EFNA5: variants seen among roughly 807,000 people sequenced by gnomAD.
EFNA5 encodes ephrin A5, also known as ephrin-A5.
EFNA5 carries 5 observed loss-of-function variants against 22.9 expected under a neutral mutation model. The observed-to-expected ratio is 0.22, with a 90% confidence interval of 0.11 to 0.46. The LOEUF is 0.46. EFNA5 is among the 20% of genes least tolerant of loss of function. EFNA5 has a pLI of 0.99. For synonymous variants in EFNA5, 113 were observed against 112.2 expected, an observed-to-expected ratio of 1.01 and a Z score of -0.04; for missense variants, 237 against 293.3, an observed-to-expected ratio of 0.81 and a Z score of 1.40.
chr5:107,511,604 A>C (rs1747371896), intron 1 of EFNA5, among the ~76,000 whole-genome samples: 1 of 152,200 alleles, frequency 6.6e-6, no homozygotes, highest in Non-Finnish European at 1.5e-5. Context: ...CCATTTATAA[A>C]GTGTTACATT....
chr5:107,563,668 C>T (rs1169582703), intron 1 of EFNA5, among the ~76,000 whole-genome samples: 4 of 152,066 alleles, frequency 2.6e-5, no homozygotes, highest in South Asian at 2.1e-4. Context: ...CTCCAGCTCC[C>T]GGCCACAAGT....
chr5:107,502,572 C>G (rs1002109584), intron 1 of EFNA5, among the ~76,000 whole-genome samples: 1 of 152,172 alleles, frequency 6.6e-6, no homozygotes, highest in Non-Finnish European at 1.5e-5. Flanking sequence ...CAGCACATAA[C>G]TGCTGAAAAG....
intron 1 of EFNA5, among the ~76,000 whole-genome samples, chr5:107,633,603 G>A (rs925395365): frequency 2.0e-4 from 30 of 152,200 alleles, no homozygotes; most frequent in African/African-American, 6.3e-4. Context: ...CATAAAGGCC[G>A]ATTATGATGA....
At position 107,552,390 on chromosome 5, in the gene EFNA5, G is replaced by A. The variant is rs139825395; in HGVS notation, c.125+118099C>T. 6.4e-4 allele frequency among the ~76,000 whole-genome samples: 97 copies of A among 152,312 alleles called. No individual in the cohort carries two copies. The Middle Eastern group carries it at 0.01, about 16-fold the overall frequency. ...ATGTATTAACTCACTTGATCCCCAAGTGACCCATGAGGGAAGTGCTCTTAC... is the reference window on the plus strand; with the variant it reads ...ATGTATTAACTCACTTGATCCCCAAATGACCCATGAGGGAAGTGCTCTTAC... On this transcript the variant is annotated intron_variant, in intron 1 of 4. Coordinates refer to ENST00000333274, the MANE Select transcript of EFNA5 (RefSeq NM_001962.3).
At chr5:107,438,382 C>T (rs1201287390) in intron 1 of EFNA5, among the ~76,000 whole-genome samples, 1 of 152,204 alleles carries the variant, frequency 6.6e-6, no homozygotes, top group Non-Finnish European at 1.5e-5. Flanking sequence ...CTGCAATCGC[C>T]TATCACATTG....
chr5:107,482,870 C>CTCTATA (rs1328872977), intron 1 of EFNA5, among the ~76,000 whole-genome samples: 1 of 59,124 alleles, frequency 1.7e-5, no homozygotes, highest in African/African-American at 7.7e-5. Context: ...CTCTCTCTCT[C>CTCTATA]TATATATATA....
At chr5:107,599,644 T>G (rs575349935) in intron 1 of EFNA5, among the ~76,000 whole-genome samples, 1 of 152,334 alleles carries the variant, frequency 6.6e-6, no homozygotes, top group African/African-American at 2.4e-5. Context: ...TTATAACATG[T>G]AGTAATCATA....
chr5:107,463,618 GTAAA>G (rs1404950169), intron 1 of EFNA5, among the ~76,000 whole-genome samples: 1 of 152,156 alleles, frequency 6.6e-6, no homozygotes, highest in African/African-American at 2.4e-5. Context: ...AATTTAGAGA[GTAAA>G]TAAAGAGGAA....
intron 1 of EFNA5, among the ~76,000 whole-genome samples, chr5:107,624,229 C>G (rs1356828445): frequency 6.6e-6 from 1 of 152,078 alleles, no homozygotes; most frequent in Non-Finnish European, 1.5e-5. Context: ...GTTATAATGA[C>G]AAAAGTCAAT....
intron 1 of EFNA5, among the ~76,000 whole-genome samples, chr5:107,551,675 C>T (rs1748300902): frequency 6.6e-6 from 1 of 152,114 alleles, no homozygotes; most frequent in Non-Finnish European, 1.5e-5. Flanking sequence ...AAACAGGACA[C>T]TTAGGAAACA....
chr5:107,397,760 G>A (rs923374291), intron 2 of EFNA5, among the ~76,000 whole-genome samples: 1 of 152,288 alleles, frequency 6.6e-6, no homozygotes, highest in Admixed American at 6.5e-5. Flanking sequence ...TCTCTCTGTA[G>A]AAGATGAAAT....
intron 1 of EFNA5, among the ~76,000 whole-genome samples, chr5:107,521,447 C>A (rs2112443370): frequency 7.0e-6 from 1 of 143,642 alleles, no homozygotes; most frequent in Middle Eastern, 3.5e-3. Flanking sequence ...CATGTGCCAC[C>A]ACACCTGGCT....
Position 107,427,172 on chromosome 5 carries a change from G to A in EFNA5, c.418+45C>T, listed in dbSNP as rs746537018. 2.5e-6 allele frequency: 4 copies of A among 1,608,452 alleles called. No individual in the cohort carries two copies. In the African/African-American group the frequency reaches 5.4e-5, roughly 22 times the overall value. Reference sequence around the variant, plus strand: ...AAACATGGGTAAAAAATTAGTCTGGGTTCTTGCAGCTGCCCTACAACACGA... The same window carrying A: ...AAACATGGGTAAAAAATTAGTCTGGATTCTTGCAGCTGCCCTACAACACGA... On this transcript the variant is annotated intron_variant, in intron 2 of 4. Transcript: ENST00000333274.
chr5:107,433,768 G>A (rs1239684139), intron 1 of EFNA5, among the ~76,000 whole-genome samples: 2 of 152,110 alleles, frequency 1.3e-5, no homozygotes, highest in African/African-American at 2.4e-5. Flanking sequence ...AGGCATAGTA[G>A]TGTGTGCCTG....
At chr5:107,642,934 GAAA>G (rs34467356) in intron 1 of EFNA5, among the ~76,000 whole-genome samples, 3 of 133,762 alleles carry the variant, frequency 2.2e-5, no homozygotes, top group African/African-American at 5.7e-5. Flanking sequence ...TTCCTCACCT[GAAA>G]AAAAAAAAAA....
intron 1 of EFNA5, among the ~76,000 whole-genome samples, chr5:107,447,658 C>T (rs7710211): frequency 0.11 from 16,398 of 152,104 alleles, 957 homozygotes; most frequent in Middle Eastern, 0.14. Context: ...AAAGACCATA[C>T]AGAAGAGCCA....
intron 1 of EFNA5, among the ~76,000 whole-genome samples, chr5:107,501,208 C>A (rs1245754959): frequency 1.3e-5 from 2 of 152,184 alleles, no homozygotes; most frequent in East Asian, 1.9e-4. Context: ...GATTAAGCCT[C>A]ACTTATAGAT....
Position 107,500,489 on chromosome 5 carries a change from G to A in EFNA5, c.126-72980C>T, listed in dbSNP as rs533208591. On this transcript the variant is annotated intron_variant, in intron 1 of 4. Coordinates refer to ENST00000333274, the MANE Select transcript of EFNA5 (RefSeq NM_001962.3). Reference sequence around the variant, plus strand: ...ACCTGTCATATACTTGTCTCTCCCAGAGTGCAGCACTATTTACTGACCTGA... The same window carrying A: ...ACCTGTCATATACTTGTCTCTCCCAAAGTGCAGCACTATTTACTGACCTGA... Among the ~76,000 whole-genome samples the A allele has an allele frequency of 7.9e-5, 12 of 152,290 alleles. No homozygotes were observed. The South Asian group carries it at 2.1e-3, about 26-fold the overall frequency.
chr5:107,544,167 CATTTAGGA>C (rs1053220530), intron 1 of EFNA5, among the ~76,000 whole-genome samples: 1 of 152,166 alleles, frequency 6.6e-6, no homozygotes, highest in Admixed American at 6.5e-5. Flanking sequence ...GCAATTAGAT[CATTTAGGA>C]AACAGAGAAA....
Sources: allele counts gnomAD v4.1 joint callset (sites outside exome capture counted in the v4.1 genomes callset), GRCh38; gene constraint gnomAD v4.1.1; transcripts MANE v1.5; gene names NCBI Gene and HGNC (gene_info 2026-07-23, HGNC 2026-07-21).